Variants in MON2 observed in about 807,000 individuals in gnomAD.
The protein encoded by MON2 is MON2 regulator of endosome-to-Golgi trafficking, also known as protein MON2 homolog.
A neutral mutation model predicts 208.6 loss-of-function variants in MON2; 84 were observed. That is an observed-to-expected ratio of 0.40 (90% CI 0.34 to 0.48). MON2 has a LOEUF of 0.48. Ranked by LOEUF, MON2 falls within the 20% of genes least tolerant of loss-of-function variation. The pLI, the probability that MON2 is intolerant of heterozygous loss-of-function variation, is 0.59. For missense variants in MON2, 1,611 were observed against 2,015.4 expected (o/e 0.80, Z 3.84); for synonymous variants, 660 against 694.0 (o/e 0.95, Z 0.77).
At chr12:62,578,580 T>C in intron 31 of MON2, 75 bp downstream of exon 31, 1 of 905,420 alleles carries the variant, frequency 1.1e-6, no homozygotes, top group Non-Finnish European at 1.7e-6. Flanking sequence ...AACTATACAG[T>C]TGCTGAAAGA....
At chr12:62,480,808 A>G (rs1380289061) in intron 1 of MON2, among the ~76,000 whole-genome samples, 1 of 152,226 alleles carries the variant, frequency 6.6e-6, no homozygotes, top group Non-Finnish European at 1.5e-5. Context: ...CATATTTATG[A>G]TGGTTCAATT....
intron 26 of MON2, among the ~76,000 whole-genome samples, chr12:62,564,065 T>G (rs1312498055): frequency 2.0e-5 from 3 of 152,122 alleles, no homozygotes; most frequent in African/African-American, 7.2e-5. Flanking sequence ...GACATGGTAT[T>G]AGATGTCTTT....
At chr12:62,566,204 TA>T in intron 28 of MON2, 117 bp from the exon 29 acceptor site, 1 of 1,376,382 alleles carries the variant, frequency 7.3e-7, no homozygotes, top group Non-Finnish European at 1.0e-6. Flanking sequence ...GCATGTAATA[TA>T]ATCTGACCTA....
In MON2 at chr12:62,525,170, C is replaced by T; in HGVS notation, c.1196C>T (p.Ser399Phe). The T allele has an allele frequency of 6.2e-7, 1 of 1,613,100 alleles. No individual in the cohort carries two copies. Among genetic ancestry groups the T allele is most frequent in the Non-Finnish European group, 8.5e-7 (1 of 1,179,228 alleles). The change falls in exon 10 of 35, where the codon TCC (serine) becomes TTC (phenylalanine). Residue 399 changes from serine to phenylalanine, a missense_variant. By Grantham distance (155) the Ser-to-Phe change is radical. Coordinates refer to ENST00000393630, the MANE Select transcript of MON2 (RefSeq NM_015026.3). ...IVNALGSFIQ[S>F]LFLVPPTGNP... ...AATGCACTGGGATCTTTTATACAGT[C>T]CTTGTTTCTTGTCCCCCCTACTGGA...
chr12:62,490,406 G>C (rs7958721), intron 2 of MON2, among the ~76,000 whole-genome samples: 1 of 151,542 alleles, frequency 6.6e-6, no homozygotes, highest in East Asian at 1.9e-4. Flanking sequence ...TTATATTGCT[G>C]TACAGCCTTT....
chr12:62,503,874 G>A (rs912969684), intron 7 of MON2, among the ~76,000 whole-genome samples: 8 of 152,092 alleles, frequency 5.3e-5, no homozygotes, highest in Non-Finnish European at 1.0e-4. Context: ...ACCACGTTGT[G>A]TAAAATGGCA....
rs914958964 is a variant in MON2, at chr12:62,597,225, C to G, written c.*4476C>G. 9.2e-5 allele frequency: 14 copies of G among 152,142 alleles called. No homozygotes were observed. Among genetic ancestry groups the G allele is most frequent in the African/African-American group, 3.1e-4 (13 of 41,430 alleles). The allele number at this position is 152,142 out of a possible 1,614,324, so 9.4% of individuals were successfully genotyped here. On this transcript the variant is annotated 3_prime_UTR_variant, in exon 35 of 35. Coordinates refer to ENST00000393630, the MANE Select transcript of MON2 (RefSeq NM_015026.3). Reference sequence around the variant, plus strand: ...GGACATCACTTTCTTCCCTCCCCTTCTCTCTTTTATGTTTTTATCCTTGTT... The same window carrying G: ...GGACATCACTTTCTTCCCTCCCCTTGTCTCTTTTATGTTTTTATCCTTGTT...
intron 4 of MON2, among the ~76,000 whole-genome samples, chr12:62,496,397 C>T (rs1039330992): frequency 6.6e-6 from 1 of 152,008 alleles, no homozygotes; most frequent in Non-Finnish European, 1.5e-5. Context: ...TGAGAAAAAT[C>T]AAGTATAAAG....
intron 1 of MON2, among the ~76,000 whole-genome samples, chr12:62,480,205 T>G (rs553276358): frequency 9.8e-5 from 15 of 152,342 alleles, no homozygotes; most frequent in African/African-American, 3.4e-4. Context: ...TGGCAATTCC[T>G]TGAATTTAGG....
chr12:62,534,911 T>C lies in MON2; in HGVS notation c.1700T>C (p.Leu567Pro). 1 of 1,611,442 alleles carries C rather than the reference T, an allele frequency of 6.2e-7. No individual in the cohort carries two copies. The highest frequency in any genetic ancestry group is 8.5e-7 in the Non-Finnish European group (1 of 1,178,110). Reference protein sequence around the residue: ...CWCGLLAALSLLLDASTDEAA... With the variant: ...CWCGLLAALSPLLDASTDEAA... ...TGTGGTCTTCTTGCTGCACTCTCAC[T>C]CCTTCTTGATGCCAGGTATTAAGTC... is the stretch of plus-strand genomic sequence containing the variant. Residue 567 changes from leucine (L) to proline (P), a missense_variant, in exon 13 of 35, where the codon CTC becomes CCC. By Grantham distance (98) the Leu-to-Pro change is moderately conservative (BLOSUM62 -3). Coordinates refer to ENST00000393630, the MANE Select transcript of MON2 (RefSeq NM_015026.3).
intron 24 of MON2, among the ~76,000 whole-genome samples, chr12:62,555,218 C>T (rs1014736691): frequency 3.3e-5 from 5 of 151,798 alleles, no homozygotes; most frequent in African/African-American, 1.2e-4. Context: ...CTCTGTTGCC[C>T]AGGATGGCAT....
chr12:62,507,944 T>A (rs909170612), intron 7 of MON2, among the ~76,000 whole-genome samples: 8 of 151,788 alleles, frequency 5.3e-5, no homozygotes. Flanking sequence ...AATTTTTTAA[T>A]TTTTTTTGTA....
chr12:62,525,867 T>G, intron 10 of MON2, 82 bp from the exon 11 acceptor site: 1 of 1,333,218 alleles, frequency 7.5e-7, no homozygotes, highest in Non-Finnish European at 1.0e-6. Context: ...TTTTTAAAGA[T>G]TGGCCAGGTG....
intron 32 of MON2, among the ~76,000 whole-genome samples, chr12:62,582,883 T>A (rs2075053456): frequency 6.6e-6 from 1 of 152,048 alleles, no homozygotes; most frequent in African/African-American, 2.4e-5. Context: ...GGAAATTCTC[T>A]AACACCAAAG....
chr12:62,501,458 G>T (rs1043186537), intron 6 of MON2, 115 bp from the exon 7 acceptor site: 2 of 1,229,498 alleles, frequency 1.6e-6, no homozygotes, highest in Non-Finnish European at 1.1e-6. Flanking sequence ...AGTTTCTAAG[G>T]AGCAAAAACA....
intron 33 of MON2, 131 bp from the exon 34 acceptor site, chr12:62,587,943 C>A: frequency 1.8e-6 from 1 of 569,006 alleles, no homozygotes; most frequent in Non-Finnish European, 3.1e-6. Flanking sequence ...TTAAAACTAA[C>A]ATTAACCTTG....
At chr12:62,511,271 T>C (rs1592916253) in intron 8 of MON2, among the ~76,000 whole-genome samples, 2 of 152,214 alleles carry the variant, frequency 1.3e-5, no homozygotes, top group African/African-American at 2.4e-5. Context: ...AAAATTCATA[T>C]TGAATCTCAA....
chr12:62,517,353 C>G (rs1002096726), intron 8 of MON2, among the ~76,000 whole-genome samples: 5 of 152,126 alleles, frequency 3.3e-5, no homozygotes, highest in African/African-American at 1.2e-4. Flanking sequence ...GTTTCTGTTG[C>G]TAACCAGGAC....
chr12:62,534,964 A>T, intron 13 of MON2, 38 bp downstream of exon 13: 1 of 1,262,576 alleles, frequency 7.9e-7, no homozygotes, highest in Non-Finnish European at 1.1e-6. Context: ...GAACTGTGTC[A>T]GTTAAAAAAA....
Sources: allele counts gnomAD v4.1 joint callset (sites outside exome capture counted in the v4.1 genomes callset), GRCh38; gene constraint gnomAD v4.1.1; transcripts MANE v1.5; gene names NCBI Gene and HGNC (gene_info 2026-07-23, HGNC 2026-07-21).